The following PCDH9 variants were observed in gnomAD, a reference collection of about 807,000 sequenced individuals.
PCDH9 encodes the protein protocadherin 9.
In PCDH9, 24 loss-of-function variants were observed where a neutral mutation model predicts 70.6. That is an observed-to-expected ratio of 0.34 (90% confidence interval 0.25 to 0.48). PCDH9 has a LOEUF of 0.48. PCDH9 is among the 20% of genes least tolerant of loss of function. PCDH9 has a pLI of 0.99. For missense variants in PCDH9, 1,281 were observed against 1,503.6 expected (o/e 0.85, Z 2.45); for synonymous variants, 562 against 558.5 (o/e 1.01, Z -0.09).
intron 4 of PCDH9, among the ~76,000 whole-genome samples, chr13:66,409,941 C>G (rs181051794): frequency 6.6e-6 from 1 of 152,236 alleles, no homozygotes; most frequent in Non-Finnish European, 1.5e-5. Context: ...TTAAGGTTCC[C>G]AGTAGTCACC....
At chr13:66,762,611 G>A (rs2079646652) in intron 3 of PCDH9, among the ~76,000 whole-genome samples, 1 of 151,952 alleles carries the variant, frequency 6.6e-6, no homozygotes, top group Non-Finnish European at 1.5e-5. Context: ...TAATCTCCCA[G>A]CTGGTTTCCT....
chr13:67,058,261 C>T (rs2085461850), intron 2 of PCDH9, among the ~76,000 whole-genome samples: 1 of 152,090 alleles, frequency 6.6e-6, no homozygotes, highest in African/African-American at 2.4e-5. Context: ...CACGTGCGAA[C>T]ATACACATCA....
At chr13:66,785,345 T>C (rs1005991013) in intron 3 of PCDH9, among the ~76,000 whole-genome samples, 1 of 152,100 alleles carries the variant, frequency 6.6e-6, no homozygotes, top group African/African-American at 2.4e-5. Flanking sequence ...GTTTTTAGTA[T>C]GAATACTTTC....
chr13:66,330,020 G>C (rs1451761126), intron 4 of PCDH9, among the ~76,000 whole-genome samples: 2 of 152,170 alleles, frequency 1.3e-5, no homozygotes, highest in East Asian at 1.9e-4. Context: ...TCTTTTCAGT[G>C]CTAATTAAAT....
At chr13:67,009,064 A>T (rs2084405839) in intron 2 of PCDH9, among the ~76,000 whole-genome samples, 1 of 152,096 alleles carries the variant, frequency 6.6e-6, no homozygotes, top group African/African-American at 2.4e-5. Flanking sequence ...AAACATCTTC[A>T]TTATAGCAGC....
chr13:66,851,702 CTT>C (rs1054819045), intron 3 of PCDH9, among the ~76,000 whole-genome samples: 6 of 152,092 alleles, frequency 3.9e-5, no homozygotes, highest in Non-Finnish European at 7.4e-5. Flanking sequence ...TTACTGTAGA[CTT>C]GGGTTCTTTG....
chr13:66,993,483 T>C lies in PCDH9; in HGVS notation c.3037-89878A>G, dbSNP rs144529662. Among the ~76,000 whole-genome samples, 343 of 152,298 alleles carry C rather than the reference T, an allele frequency of 2.3e-3. 1 individual carries two copies. Among genetic ancestry groups the C allele is most frequent in the Non-Finnish European group, 3.9e-3 (268 of 68,028 alleles). On this transcript the variant is annotated intron_variant, in intron 2 of 4. Coordinates refer to ENST00000377865, the MANE Select transcript of PCDH9 (RefSeq NM_203487.3). Reference sequence around the variant, plus strand: ...TTTACCTGAAGCTTCTGATTTACTTTGAAGGGACAGGGAATGGGGAGGCTG... The same window carrying C: ...TTTACCTGAAGCTTCTGATTTACTTCGAAGGGACAGGGAATGGGGAGGCTG...
intron 3 of PCDH9, among the ~76,000 whole-genome samples, chr13:66,847,018 A>G (rs1162997318): frequency 6.6e-6 from 1 of 152,122 alleles, no homozygotes; most frequent in Admixed American, 6.5e-5. Context: ...TTTTCTGATC[A>G]GGTAAATAAA....
At chr13:67,138,081 C>G (rs1302562526) in intron 2 of PCDH9, among the ~76,000 whole-genome samples, 1 of 151,158 alleles carries the variant, frequency 6.6e-6, no homozygotes, top group Non-Finnish European at 1.5e-5. Context: ...TCCACTTTAG[C>G]TAAATTAAAA....
rs972397586 is a variant in PCDH9 at position 66,769,071 on chromosome 13, C to T, written c.3138+134433G>A. ...TGCATTTAATTTTCATGGAGAAGGA[C>T]TGATTTATATCTCTACTCAGACACT... On this transcript the variant is annotated intron_variant, in intron 3 of 4. Transcript: ENST00000377865. 2.6e-5 allele frequency among the ~76,000 whole-genome samples: 4 copies of T among 152,144 alleles called. No homozygotes were observed. The East Asian group carries it at 7.7e-4, about 29-fold the overall frequency.
At chr13:66,457,999 T>C (rs1313609881) in intron 4 of PCDH9, among the ~76,000 whole-genome samples, 1 of 152,084 alleles carries the variant, frequency 6.6e-6, no homozygotes, top group Non-Finnish European at 1.5e-5. Context: ...ATCAATCCTA[T>C]ATTTCAAGGT....
chr13:67,131,167 T>C (rs2087103855), intron 2 of PCDH9, among the ~76,000 whole-genome samples: 1 of 152,194 alleles, frequency 6.6e-6, no homozygotes, highest in African/African-American at 2.4e-5. Context: ...AAATTATATA[T>C]TTTCTAAGTA....
At chr13:67,168,788 C>A (rs756231945) in intron 2 of PCDH9, among the ~76,000 whole-genome samples, 19 of 152,124 alleles carry the variant, frequency 1.2e-4, no homozygotes, top group Non-Finnish European at 2.1e-4. Flanking sequence ...AAAACACTCC[C>A]AATTATCAAT....
chr13:66,446,303 G>A lies in PCDH9; in HGVS notation c.3341-141275C>T, dbSNP rs187339809. The stretch of plus-strand genomic sequence containing the variant: ...TCAGCACTTAATCCTTATTTTAAAG[G>A]CAAAATCCACACTCAGAAATGTTTA... On this transcript the variant is annotated intron_variant, in intron 4 of 4. Transcript: ENST00000377865. 3.3e-5 allele frequency among the ~76,000 whole-genome samples: 5 copies of A among 151,814 alleles called. No homozygotes were observed. The East Asian group carries it at 9.7e-4, about 29-fold the overall frequency.
intron 2 of PCDH9, among the ~76,000 whole-genome samples, chr13:66,935,087 G>A (rs926170057): frequency 6.6e-6 from 1 of 151,168 alleles, no homozygotes. Flanking sequence ...TTTTGGAGAC[G>A]GGGTCTCAAT....
At chr13:67,025,747 C>G (rs1321279608) in intron 2 of PCDH9, among the ~76,000 whole-genome samples, 1 of 152,070 alleles carries the variant, frequency 6.6e-6, no homozygotes, top group African/African-American at 2.4e-5. Context: ...GATGATATCA[C>G]AGGTATATCC....
At chr13:66,605,107 A>G (rs1566450512) in intron 4 of PCDH9, among the ~76,000 whole-genome samples, 1 of 152,090 alleles carries the variant, frequency 6.6e-6, no homozygotes, top group Non-Finnish European at 1.5e-5. Context: ...GGTTTATGCT[A>G]TACCACATAT....
rs138555848 is a variant in PCDH9, at chr13:67,146,443, C to T, written c.3036+78962G>A. 2.7e-3 allele frequency among the ~76,000 whole-genome samples: 417 copies of T among 152,236 alleles called. 4 individuals carry two copies. Among genetic ancestry groups the T allele is most frequent in the Middle Eastern group, 6.8e-3 (2 of 294 alleles). On this transcript the variant is annotated intron_variant, in intron 2 of 4. Coordinates refer to ENST00000377865, the MANE Select transcript of PCDH9 (RefSeq NM_203487.3). ...GTATTGGTATAATTTTGAAGCCAAACTCCTGAAATATAAACCAAACCAAAC... is the reference window on the plus strand; with the variant it reads ...GTATTGGTATAATTTTGAAGCCAAATTCCTGAAATATAAACCAAACCAAAC...
intron 3 of PCDH9, among the ~76,000 whole-genome samples, chr13:66,746,584 T>C (rs1320880025): frequency 6.6e-6 from 1 of 152,158 alleles, no homozygotes; most frequent in African/African-American, 2.4e-5. Context: ...AAAAAATCAG[T>C]TGACAGCCTT....
Sources: gnomAD v4.1 joint callset for allele counts (sites outside exome capture counted in the v4.1 genomes callset) on GRCh38, gnomAD v4.1.1 for gene constraint, MANE v1.5 for transcripts, NCBI Gene and HGNC (gene_info 2026-07-23, HGNC 2026-07-21) for gene names.